The following NRXN3 variants were observed in gnomAD, a reference collection of about 807,000 sequenced individuals.
The protein encoded by NRXN3 is neurexin III.
In NRXN3, 32 loss-of-function variants were observed where a neutral mutation model predicts 137.6. That is an observed-to-expected ratio of 0.23 (90% CI 0.18 to 0.31). The LOEUF is 0.31. Among genes scored for constraint, NRXN3 ranks in the 10% least tolerant of loss-of-function variants. The pLI, the probability that NRXN3 is intolerant of heterozygous loss-of-function variation, is 1.00. For synonymous variants in NRXN3, 798 were observed against 784.5 expected (o/e 1.02, Z -0.29); for missense variants, 1,574 against 2,062.5 (o/e 0.76, Z 4.59).
intron 1 of NRXN3, among the ~76,000 whole-genome samples, chr14:78,229,658 T>C (rs2065117611): frequency 6.6e-6 from 1 of 152,204 alleles, no homozygotes; most frequent in Non-Finnish European, 1.5e-5. Context: ...AGCAAGCACA[T>C]GTCTATGATC....
chr14:78,815,637 C>T (rs1385356313), intron 10 of NRXN3, among the ~76,000 whole-genome samples: 1 of 151,894 alleles, frequency 6.6e-6, no homozygotes, highest in African/African-American at 2.4e-5. Context: ...TTATACTGGA[C>T]TTATGGTTTT....
chr14:78,300,693 T>TA, intron 4 of NRXN3: 1 of 1,525,860 alleles, frequency 6.6e-7, no homozygotes, highest in South Asian at 1.2e-5. Context: ...GAAGTAAAGG[T>TA]AGAGCTCACT....
intron 15 of NRXN3, among the ~76,000 whole-genome samples, chr14:79,447,894 C>G (rs2096090725): frequency 6.6e-6 from 1 of 152,218 alleles, no homozygotes; most frequent in Admixed American, 6.5e-5. Context: ...CTTCATACAG[C>G]AGCACTTTGA....
chr14:78,513,248 G>A (rs1290227550), intron 4 of NRXN3, among the ~76,000 whole-genome samples: 1 of 152,112 alleles, frequency 6.6e-6, no homozygotes. Context: ...AATTAATATT[G>A]TATTTATTAG....
chr14:79,835,298 A>G (rs1351747178), intron 20 of NRXN3, among the ~76,000 whole-genome samples: 2 of 152,128 alleles, frequency 1.3e-5, no homozygotes, highest in African/African-American at 2.4e-5. Context: ...AATATGTACA[A>G]TTTTTATTTG....
chr14:78,908,012 A>T (rs568587565), intron 10 of NRXN3, among the ~76,000 whole-genome samples: 1 of 152,180 alleles, frequency 6.6e-6, no homozygotes, highest in South Asian at 2.1e-4. Context: ...CATGGTGTAT[A>T]TGTACCACAT....
intron 15 of NRXN3, among the ~76,000 whole-genome samples, chr14:79,127,371 T>A (rs1440949808): frequency 6.6e-6 from 1 of 152,050 alleles, no homozygotes; most frequent in African/African-American, 2.4e-5. Context: ...AAGGAAGGGA[T>A]CCAGTTTCAG....
intron 1 of NRXN3, among the ~76,000 whole-genome samples, chr14:78,180,916 C>A (rs950189876): frequency 2.6e-5 from 4 of 152,204 alleles, no homozygotes; most frequent in South Asian, 2.1e-4. Context: ...ATATTGAAAT[C>A]ACCATATTAA....
At chr14:79,516,560 T>C (rs575945280) in intron 16 of NRXN3, among the ~76,000 whole-genome samples, 1 of 152,352 alleles carries the variant, frequency 6.6e-6, no homozygotes, top group East Asian at 1.9e-4. Context: ...AAATTCAGTG[T>C]GCTTTTTAAA....
Position 79,200,238 on chromosome 14 carries a change from G to C in NRXN3, c.3262+212097G>C, listed in dbSNP as rs938418192. Among the ~76,000 whole-genome samples the C allele has an allele frequency of 1.3e-4, 20 of 152,212 alleles. 1 individual carries two copies. The highest frequency in any genetic ancestry group is 4.6e-4 in the Admixed American group (7 of 15,282). ...GGAAATCCTGAACTAGAGTTTGAGA[G>C]AGTCTGCTAAGCTAAAGTTGTGGAT... On this transcript the variant is annotated intron_variant, in intron 15 of 20. Coordinates refer to ENST00000335750, the MANE Select transcript of NRXN3 (RefSeq NM_001330195.2).
At chr14:78,618,701 A>G (rs1015790552) in intron 4 of NRXN3, among the ~76,000 whole-genome samples, 1 of 152,164 alleles carries the variant, frequency 6.6e-6, no homozygotes. Flanking sequence ...ATCTTCAAAC[A>G]ATCCATGAAG....
chr14:78,642,185 T>C (rs1270894671), intron 4 of NRXN3, among the ~76,000 whole-genome samples: 4 of 152,156 alleles, frequency 2.6e-5, no homozygotes, highest in Non-Finnish European at 5.9e-5. Flanking sequence ...ATAATGAATA[T>C]TTAGACTAAG....
At chr14:78,989,012 ATGTTATTTTCT>A (rs2099513124) in intron 15 of NRXN3, among the ~76,000 whole-genome samples, 1 of 152,078 alleles carries the variant, frequency 6.6e-6, no homozygotes, top group South Asian at 2.1e-4. Context: ...CTTCTTTCTC[ATGTTATTTTCT>A]TGATGTGACC....
In NRXN3 at chr14:79,861,770, C is replaced by T. The variant is rs750359316; in HGVS notation, c.4522C>T (p.Leu1508Phe). The T allele has an allele frequency of 1.9e-6, 3 of 1,614,050 alleles. No individual in the cohort carries two copies. The highest frequency in any genetic ancestry group is 2.5e-6 in the Non-Finnish European group (3 of 1,180,020). ...CGTCGGCATTGTGGCTGCTGCCGCC[C>T]TCTGCATCTTGATCCTCCTGTACGC... Reference protein sequence around the residue: ...MVVGIVAAAALCILILLYAMY... With the variant: ...MVVGIVAAAAFCILILLYAMY... The change falls in exon 21 of 21, where the codon CTC (leucine) becomes TTC (phenylalanine). Residue 1508 changes from leucine (L) to phenylalanine (F), a missense_variant. Coordinates refer to ENST00000335750, the MANE Select transcript of NRXN3 (RefSeq NM_001330195.2). This position sits in a 1 kb window ranked among gnomAD's most constrained non-coding sequence, Gnocchi z 5.4.
At chr14:79,719,402 G>GTGTGTA (rs1555660544) in intron 19 of NRXN3, among the ~76,000 whole-genome samples, 34 of 142,312 alleles carry the variant, frequency 2.4e-4, no homozygotes, top group South Asian at 9.2e-4. Context: ...ATATATGTGT[G>GTGTGTA]TATATATATA....
intron 15 of NRXN3, among the ~76,000 whole-genome samples, chr14:79,457,203 T>G (rs1027307080): frequency 5.9e-5 from 9 of 152,166 alleles, no homozygotes; most frequent in Admixed American, 5.9e-4. Context: ...AATAATAATT[T>G]CTTTGTGAAG....
At chr14:79,339,866 A>G (rs1201350535) in intron 15 of NRXN3, among the ~76,000 whole-genome samples, 1 of 152,196 alleles carries the variant, frequency 6.6e-6, no homozygotes, top group Non-Finnish European at 1.5e-5. Flanking sequence ...TGTGAAGATT[A>G]AATGTGATAA....
At chr14:79,690,342 T>G (rs2098711853) in intron 17 of NRXN3, among the ~76,000 whole-genome samples, 2 of 152,178 alleles carry the variant, frequency 1.3e-5, no homozygotes, top group Non-Finnish European at 2.9e-5. Flanking sequence ...ATAGCTATAT[T>G]CTTTCGCCAT....
intron 1 of NRXN3, among the ~76,000 whole-genome samples, chr14:78,184,193 AG>A (rs2060041356): frequency 6.6e-6 from 1 of 152,208 alleles, no homozygotes; most frequent in African/African-American, 2.4e-5. Flanking sequence ...TCTGCAATCC[AG>A]GGTGTGTTAT....
Sources: allele counts gnomAD v4.1 joint callset (sites outside exome capture counted in the v4.1 genomes callset), GRCh38; gene constraint gnomAD v4.1.1; non-coding constraint Gnocchi (gnomAD v3.1); transcripts MANE v1.5; gene names NCBI Gene and HGNC (gene_info 2026-07-23, HGNC 2026-07-21).